The following KPNA6 variants were observed in gnomAD, a reference collection of about 807,000 sequenced individuals.
KPNA6 encodes the protein karyopherin subunit alpha 6, also known as importin subunit alpha-7.
In KPNA6, 9 loss-of-function variants were observed where a neutral mutation model predicts 72.0. The ratio of observed to expected loss-of-function variants is 0.13; its 90% CI spans 0.08 to 0.22. The LOEUF is 0.22. Ranked by LOEUF, KPNA6 falls within the 10% of genes least tolerant of loss-of-function variation. The probability of loss-of-function intolerance (pLI) is 1.00; values close to 1 mark genes in which losing one functional copy is unlikely to be tolerated. For missense variants in KPNA6, 374 were observed against 655.7 expected (o/e 0.57, Z 4.69); for synonymous variants, 219 against 242.1 (o/e 0.90, Z 0.89).
In KPNA6 at chr1:32,170,765, C is replaced by T; in HGVS notation, c.1482C>T (p.Ala494=). 1.9e-6 allele frequency: 3 copies of T among 1,614,208 alleles called. No individual in the cohort carries two copies. The highest frequency in any genetic ancestry group is 2.5e-6 in the Non-Finnish European group (3 of 1,180,034). ...AGAACCAGGAGATCTACCAGAAGGCCTTCGACCTCATTGAGCACTACTTTG... is the reference window on the plus strand; with the variant it reads ...AGAACCAGGAGATCTACCAGAAGGCTTTCGACCTCATTGAGCACTACTTTG... ...SHENQEIYQK[A]FDLIEHYFGV... The change falls in exon 14 of 14, where the codon GCC becomes GCT. Residue 494 remains alanine, a synonymous_variant. Coordinates refer to ENST00000373625, the MANE Select transcript of KPNA6 (RefSeq NM_012316.5).
intron 1 of KPNA6, among the ~76,000 whole-genome samples, chr1:32,136,013 A>G (rs1570022799): frequency 6.6e-6 from 1 of 152,124 alleles, no homozygotes; most frequent in South Asian, 2.1e-4. Flanking sequence ...AAATTCTAAC[A>G]TGCTCTTTAA....
chr1:32,168,491 C>G (rs1220719127), intron 12 of KPNA6, among the ~76,000 whole-genome samples: 5 of 152,192 alleles, frequency 3.3e-5, no homozygotes, highest in Admixed American at 3.3e-4. Flanking sequence ...GGCCTGTGTA[C>G]TCTTTTATTT....
chr1:32,114,429 G>A (rs1036480907), intron 1 of KPNA6, among the ~76,000 whole-genome samples: 9 of 140,914 alleles, frequency 6.4e-5, no homozygotes, highest in Admixed American at 1.4e-4. Flanking sequence ...CGACAAGAAC[G>A]AAACTCTGTC....
chr1:32,149,210 C>A (rs1241028856), intron 1 of KPNA6, among the ~76,000 whole-genome samples: 1 of 151,678 alleles, frequency 6.6e-6, no homozygotes, highest in African/African-American at 2.4e-5. Flanking sequence ...TGTTTGGTTC[C>A]TTTTTATAAT....
Position 32,112,607 on chromosome 1 carries a change from C to G in KPNA6, c.4+4473C>G, listed in dbSNP as rs987693974. Among the ~76,000 whole-genome samples the G allele has an allele frequency of 9.9e-5, 15 of 152,244 alleles. No homozygotes were observed. The East Asian group carries it at 2.9e-3, about 29-fold the overall frequency. On this transcript the variant is annotated intron_variant, in intron 1 of 13. Coordinates refer to ENST00000373625, the MANE Select transcript of KPNA6 (RefSeq NM_012316.5). ...TCCTGGGTTCAAACCATTCTCCTGC[C>G]TCAGCCTCCTGAGTAGCTGGGATTA... is the stretch of plus-strand genomic sequence containing the variant.
At chr1:32,118,434 G>A (rs924608457) in intron 1 of KPNA6, among the ~76,000 whole-genome samples, 4 of 151,116 alleles carry the variant, frequency 2.6e-5, no homozygotes, top group Admixed American at 1.3e-4. Flanking sequence ...TATTACAGTT[G>A]TTTTATTCCA....
chr1:32,120,830 A>G (rs1641420150), intron 1 of KPNA6, among the ~76,000 whole-genome samples: 1 of 147,930 alleles, frequency 6.8e-6, no homozygotes, highest in Non-Finnish European at 1.5e-5. Context: ...GGCCTCCCAC[A>G]GTAGTGCTGG....
At chr1:32,124,464 C>T (rs1011814948) in intron 1 of KPNA6, among the ~76,000 whole-genome samples, 4 of 151,042 alleles carry the variant, frequency 2.6e-5, no homozygotes, top group Non-Finnish European at 4.4e-5. Context: ...TTGCTTGAGG[C>T]CAGGAGTTCA....
intron 5 of KPNA6, among the ~76,000 whole-genome samples, chr1:32,158,641 T>G (rs1433453782): frequency 6.6e-6 from 1 of 152,110 alleles, no homozygotes; most frequent in East Asian, 1.9e-4. Context: ...TCTTTCTGGG[T>G]TTTTTTGTAC....
chr1:32,155,460 T>C (rs1642121678), intron 2 of KPNA6, among the ~76,000 whole-genome samples: 1 of 151,556 alleles, frequency 6.6e-6, no homozygotes, highest in African/African-American at 2.4e-5. Flanking sequence ...TAGCTAGGAT[T>C]ACGGGCATGT....
rs1259414022 is a variant in KPNA6, at chr1:32,155,492, T to C, written c.138+771T>C. On this transcript the variant is annotated intron_variant, in intron 2 of 13. Coordinates refer to ENST00000373625, the MANE Select transcript of KPNA6 (RefSeq NM_012316.5). The stretch of plus-strand genomic sequence containing the variant: ...ATGTACCACCACGTCCAATTAACTT[T>C]GTATATTTTTGGTAGAGACTGGGTT... Among the ~76,000 whole-genome samples the C allele has an allele frequency of 6.6e-5, 10 of 151,606 alleles. No homozygotes were observed. The East Asian group carries it at 1.6e-3, about 24-fold the overall frequency.
intron 11 of KPNA6, among the ~76,000 whole-genome samples, chr1:32,166,701 G>A (rs1211084080): frequency 6.6e-6 from 1 of 151,234 alleles, no homozygotes; most frequent in Non-Finnish European, 1.5e-5. Context: ...AGGCTGAGGT[G>A]GGCGGATCAC....
chr1:32,147,129 A>G (rs997573568), intron 1 of KPNA6, among the ~76,000 whole-genome samples: 26 of 152,124 alleles, frequency 1.7e-4, no homozygotes, highest in African/African-American at 6.3e-4. Context: ...TGCTGAGATT[A>G]CAGGCCCAGC....
rs753996650 is a variant in KPNA6, at chr1:32,108,089, C to A, written c.-42C>A. ...TACTGAAAGCTGCCGCTGAAGCTGCCGCCGTTGCCTCCGCCGCCAAGAGTG... is the reference window on the plus strand; with the variant it reads ...TACTGAAAGCTGCCGCTGAAGCTGCAGCCGTTGCCTCCGCCGCCAAGAGTG... On this transcript the variant is annotated 5_prime_UTR_variant, in exon 1 of 14. Transcript: ENST00000373625. 2.5e-6 allele frequency: 4 copies of A among 1,613,776 alleles called. No homozygotes were observed. The Admixed American group carries it at 5.0e-5, about 20-fold the overall frequency.
chr1:32,155,799 A>G (rs912940626), intron 2 of KPNA6, among the ~76,000 whole-genome samples: 1 of 151,362 alleles, frequency 6.6e-6, no homozygotes, highest in African/African-American at 2.4e-5. Context: ...GCAGTGAGTG[A>G]CATGATCTCA....
At chr1:32,116,337 A>G (rs965846410) in intron 1 of KPNA6, among the ~76,000 whole-genome samples, 1 of 151,198 alleles carries the variant, frequency 6.6e-6, no homozygotes, top group African/African-American at 2.4e-5. Flanking sequence ...TTGTGTGTTC[A>G]CTGGACTAGT....
At chr1:32,132,120 A>G (rs1031950836) in intron 1 of KPNA6, among the ~76,000 whole-genome samples, 1 of 151,692 alleles carries the variant, frequency 6.6e-6, no homozygotes, top group Non-Finnish European at 1.5e-5. Context: ...ACAGGTATGC[A>G]CCACCATACC....
chr1:32,110,907 CAAAA>C (rs1012902923), intron 1 of KPNA6, among the ~76,000 whole-genome samples: 2 of 152,040 alleles, frequency 1.3e-5, no homozygotes, highest in African/African-American at 4.8e-5. Flanking sequence ...AATAAACAAA[CAAAA>C]AACAGATAAC....
At chr1:32,114,649 C>T (rs575359078) in intron 1 of KPNA6, among the ~76,000 whole-genome samples, 1 of 152,090 alleles carries the variant, frequency 6.6e-6, no homozygotes, top group Non-Finnish European at 1.5e-5. Context: ...AGAGAGTCAG[C>T]CTGTCATTTG....
Sources: gnomAD v4.1 joint callset for allele counts (sites outside exome capture counted in the v4.1 genomes callset) on GRCh38, gnomAD v4.1.1 for gene constraint, MANE v1.5 for transcripts, NCBI Gene and HGNC (gene_info 2026-07-23, HGNC 2026-07-21) for gene names.